Variants in CCDC3 observed in about 807,000 individuals in gnomAD.
The protein encoded by CCDC3 is coiled-coil domain-containing protein 3.
A neutral mutation model predicts 21.4 loss-of-function variants in CCDC3; 24 were observed. That is an observed-to-expected ratio of 1.12 (90% CI 0.81 to 1.58). CCDC3 has a LOEUF of 1.58. Ranked by LOEUF, CCDC3 falls within the 40% of genes most tolerant of loss-of-function variation. The probability of loss-of-function intolerance (pLI) is 0.00; values close to 1 mark genes in which losing one functional copy is unlikely to be tolerated. For missense variants in CCDC3, 425 were observed against 360.9 expected (o/e 1.18, Z -1.44); for synonymous variants, 186 against 166.0 (o/e 1.12, Z -0.93).
chr10:12,949,128 A>C (rs1320573536), intron 2 of CCDC3, among the ~76,000 whole-genome samples: 1 of 152,140 alleles, frequency 6.6e-6, no homozygotes, highest in Non-Finnish European at 1.5e-5. Flanking sequence ...CTGGTTAGCT[A>C]AATAGCAGAA....
At chr10:12,951,688 C>G (rs1262248697) in intron 2 of CCDC3, among the ~76,000 whole-genome samples, 1 of 148,730 alleles carries the variant, frequency 6.7e-6, no homozygotes, top group Non-Finnish European at 1.5e-5. Context: ...GCCTGTAGTC[C>G]CAGTTACTCA....
intron 4 of CCDC3, among the ~76,000 whole-genome samples, chr10:13,065,599 G>C (rs944040351): frequency 1.3e-5 from 2 of 152,154 alleles, no homozygotes; most frequent in Non-Finnish European, 2.9e-5. Flanking sequence ...AGCTAATGCT[G>C]TTTCCTTCTC....
intron 2 of CCDC3, among the ~76,000 whole-genome samples, chr10:12,978,418 T>G (rs1835448207): frequency 6.6e-6 from 1 of 152,202 alleles, no homozygotes; most frequent in Admixed American, 6.5e-5. Context: ...GCTACTACCC[T>G]CCTTTTACAC....
chr10:12,920,606 A>G (rs962905564), intron 2 of CCDC3, among the ~76,000 whole-genome samples: 3 of 152,210 alleles, frequency 2.0e-5, no homozygotes. Context: ...TTTTGCCATG[A>G]CTTTTAATGG....
chr10:12,953,745 G>C (rs1355803113), intron 2 of CCDC3, among the ~76,000 whole-genome samples: 2 of 152,242 alleles, frequency 1.3e-5, no homozygotes, highest in Non-Finnish European at 2.9e-5. Flanking sequence ...GCAATGCTCA[G>C]AAGCCTTGAT....
chr10:12,945,582 C>G (rs1711571600), intron 2 of CCDC3, among the ~76,000 whole-genome samples: 1 of 152,124 alleles, frequency 6.6e-6, no homozygotes, highest in Non-Finnish European at 1.5e-5. Flanking sequence ...TACGCTGATA[C>G]AAAACTAGAA....
At chr10:13,024,990 C>T (rs1402684184) in intron 5 of CCDC3, among the ~76,000 whole-genome samples, 1 of 152,180 alleles carries the variant, frequency 6.6e-6, no homozygotes, top group Non-Finnish European at 1.5e-5. Flanking sequence ...TATTACAGGA[C>T]CTCACTTTCA....
At chr10:13,089,078 G>A (rs566470348) in intron 3 of CCDC3, among the ~76,000 whole-genome samples, 3 of 151,706 alleles carry the variant, frequency 2.0e-5, no homozygotes, top group South Asian at 2.1e-4. Flanking sequence ...ACAGGTCTAC[G>A]ACAAATTCCC....
chr10:13,080,361 G>C (rs1248169627), intron 3 of CCDC3, among the ~76,000 whole-genome samples: 1 of 152,208 alleles, frequency 6.6e-6, no homozygotes, highest in African/African-American at 2.4e-5. Context: ...AAGATTGTCT[G>C]TGAAAGCCAT....
At chr10:12,964,244 T>C (rs1384040271) in intron 2 of CCDC3, among the ~76,000 whole-genome samples, 2 of 152,014 alleles carry the variant, frequency 1.3e-5, no homozygotes, top group Non-Finnish European at 2.9e-5. Flanking sequence ...TGGTGGTGCA[T>C]GCCTGTAATC....
intron 2 of CCDC3, among the ~76,000 whole-genome samples, chr10:12,912,978 C>A (rs1834293359): frequency 6.6e-6 from 1 of 152,154 alleles, no homozygotes. Flanking sequence ...TATTTTTAGG[C>A]CAGTGCCATC....
intron 2 of CCDC3, among the ~76,000 whole-genome samples, chr10:12,981,997 T>C (rs189852816): frequency 1.3e-5 from 2 of 151,114 alleles, no homozygotes; most frequent in African/African-American, 4.9e-5. Context: ...GTGGCATGTG[T>C]CTGTAGTCCC....
chr10:13,069,280 G>A (rs1836856385), intron 4 of CCDC3, among the ~76,000 whole-genome samples: 1 of 152,132 alleles, frequency 6.6e-6, no homozygotes, highest in African/African-American at 2.4e-5. Flanking sequence ...TAATAATCTT[G>A]CAAAAGAAAT....
chr10:13,009,109 T>C (rs1835956998), intron 5 of CCDC3, among the ~76,000 whole-genome samples: 1 of 152,216 alleles, frequency 6.6e-6, no homozygotes, highest in African/African-American at 2.4e-5. Flanking sequence ...CAAAAATCAA[T>C]TGTATTCTCT....
intron 2 of CCDC3, among the ~76,000 whole-genome samples, chr10:12,982,146 A>G (rs1835508018): frequency 6.7e-6 from 1 of 149,830 alleles, no homozygotes. Context: ...AAAAAAAAAA[A>G]AAAAAGTGAG....
intron 2 of CCDC3, among the ~76,000 whole-genome samples, chr10:12,921,029 G>A (rs1000940784): frequency 6.6e-6 from 1 of 152,138 alleles, no homozygotes; most frequent in Non-Finnish European, 1.5e-5. Context: ...CAGAACAACT[G>A]CCTTCCAACT....
At chr10:12,953,304 C>T (rs559911845) in intron 2 of CCDC3, among the ~76,000 whole-genome samples, 27 of 152,250 alleles carry the variant, frequency 1.8e-4, no homozygotes, top group Admixed American at 6.5e-4. Flanking sequence ...GTGATTCAAT[C>T]ACCTCCCACC....
At chr10:13,065,921 TTAA>T (rs1290063310) in intron 4 of CCDC3, among the ~76,000 whole-genome samples, 5 of 152,284 alleles carry the variant, frequency 3.3e-5, no homozygotes, top group South Asian at 2.1e-4. Flanking sequence ...GTTTGTTGAA[TTAA>T]TAAGTTCAGG....
In CCDC3 at chr10:13,041,504, A is replaced by ATTTTTTTT. The variant is rs71477255; in HGVS notation, c.-2+8162_-2+8169dup. ...GTTCACTCCAAGTGTCTGGCAGATA[A>ATTTTTTTT]TTTTTTTTTTTTTTTTTTTTTTTTT... is the stretch of plus-strand genomic sequence containing the variant. On this transcript the variant is annotated intron_variant, in intron 5 of 6. Transcript: ENST00000378839. Among the ~76,000 whole-genome samples the ATTTTTTTT allele has an allele frequency of 1.4e-3, 85 of 62,110 alleles. 14 individuals are homozygous for ATTTTTTTT. The highest frequency in any genetic ancestry group is 8.8e-3 in the East Asian group (16 of 1,824). 40.7% of individuals were successfully genotyped at this position (62,110 alleles called of 152,430 possible).
Sources: allele counts gnomAD v4.1 joint callset (sites outside exome capture counted in the v4.1 genomes callset), GRCh38; gene constraint gnomAD v4.1.1; transcripts MANE v1.5; gene names NCBI Gene and HGNC (gene_info 2026-07-23, HGNC 2026-07-21).